Variants in PRORP observed in about 807,000 individuals in gnomAD.
PRORP encodes protein only RNase P catalytic subunit.
In PRORP, 51 loss-of-function variants were observed where a neutral mutation model predicts 59.4. The ratio of observed to expected loss-of-function variants is 0.86; its 90% CI spans 0.69 to 1.08. The LOEUF is 1.08. PRORP is among the 50% of genes least tolerant of loss of function. The probability of loss-of-function intolerance (pLI) is 0.00; values close to 1 mark genes in which losing one functional copy is unlikely to be tolerated. For synonymous variants in PRORP, 231 were observed against 245.6 expected (o/e 0.94, Z 0.55); for missense variants, 646 against 690.3 (o/e 0.94, Z 0.72).
At chr14:35,237,084 T>TTC (rs34987600) in intron 5 of PRORP, among the ~76,000 whole-genome samples, 20,745 of 137,130 alleles carry the variant, frequency 0.15, 2,095 homozygotes, top group Middle Eastern at 0.23. Flanking sequence ...CCTTCCTTCC[T>TTC]TCTCTCTCTC....
intron 2 of PRORP, 149 bp downstream of exon 2, chr14:35,124,380 G>A (rs1595150518): frequency 1.3e-5 from 6 of 459,638 alleles, no homozygotes; most frequent in Non-Finnish European, 1.5e-5. Context: ...TGATCCTCTC[G>A]CTTCAGTCTC....
At chr14:35,188,412 A>T (rs554585944) in intron 5 of PRORP, among the ~76,000 whole-genome samples, 2 of 151,040 alleles carry the variant, frequency 1.3e-5, no homozygotes, top group African/African-American at 2.4e-5. Context: ...GCTGGTCTCG[A>T]ACTCCTGACC....
intron 4 of PRORP, among the ~76,000 whole-genome samples, chr14:35,168,259 A>G (rs893043244): frequency 2.6e-5 from 4 of 152,166 alleles, no homozygotes; most frequent in Admixed American, 6.6e-5. Context: ...CAGTTGCTCC[A>G]CATACTTGTT....
intron 5 of PRORP, among the ~76,000 whole-genome samples, chr14:35,264,268 C>T (rs1239957641): frequency 1.3e-5 from 2 of 152,090 alleles, no homozygotes; most frequent in African/African-American, 4.8e-5. Flanking sequence ...GCTGGGATTA[C>T]AAACATGCAT....
chr14:35,148,432 A>G (rs1011677095), intron 4 of PRORP, among the ~76,000 whole-genome samples: 2 of 152,128 alleles, frequency 1.3e-5, no homozygotes, highest in African/African-American at 2.4e-5. Context: ...TTTTTGGAGC[A>G]GTAGGTCTCC....
intron 5 of PRORP, among the ~76,000 whole-genome samples, chr14:35,210,515 G>C (rs2049410781): frequency 6.6e-6 from 1 of 151,504 alleles, no homozygotes; most frequent in Non-Finnish European, 1.5e-5. Flanking sequence ...ACTTATACAG[G>C]GAAGTCAGCA....
At position 35,122,982 on chromosome 14, in the gene PRORP, A is replaced by G; in HGVS notation, c.-264A>G. ...TGAACTGGAATGTAAGAGGCACCAG[A>G]GGATTCCTGCTCTGTCCCCTGGTTT... On this transcript the variant is annotated 5_prime_UTR_variant, in exon 2 of 8. Coordinates refer to ENST00000534898, the MANE Select transcript of PRORP (RefSeq NM_014672.4). The G allele has an allele frequency of 2.3e-6, 1 of 438,196 alleles. No individual in the cohort carries two copies. The allele number at this position is 438,196 out of a possible 1,614,324, so 27.1% of individuals were successfully genotyped here.
At chr14:35,127,832 A>G (rs1047652897) in intron 4 of PRORP, among the ~76,000 whole-genome samples, 7 of 152,076 alleles carry the variant, frequency 4.6e-5, no homozygotes, top group African/African-American at 1.4e-4. Context: ...AACAAGCAGT[A>G]GGCTGGATTT....
chr14:35,184,644 G>A (rs1298326034), intron 5 of PRORP, among the ~76,000 whole-genome samples: 1 of 152,114 alleles, frequency 6.6e-6, no homozygotes, highest in African/African-American at 2.4e-5. Flanking sequence ...GTACTCAATA[G>A]TTAATCTTTT....
At chr14:35,169,659 C>T (rs761180698) in intron 4 of PRORP, among the ~76,000 whole-genome samples, 70 of 151,990 alleles carry the variant, frequency 4.6e-4, no homozygotes, top group Non-Finnish European at 6.0e-4. Context: ...AGAAACCACC[C>T]CCATAATCTA....
At chr14:35,211,240 G>A (rs759844004) in intron 5 of PRORP, among the ~76,000 whole-genome samples, 9 of 151,984 alleles carry the variant, frequency 5.9e-5, no homozygotes, top group East Asian at 5.8e-4. Flanking sequence ...AAGTTTTTTC[G>A]TATATTATCT....
rs369441143 is a variant in PRORP at position 35,266,863 on chromosome 14, T to A, written c.1412T>A (p.Phe471Tyr). The change falls in exon 6 of 8, where the codon TTT becomes TAT. Residue 471 changes from phenylalanine to tyrosine, a missense_variant. Physicochemically the swap from Phe to Tyr is conservative, Grantham distance 22 (BLOSUM62 3). Transcript: ENST00000534898. Reference sequence around the variant, plus strand: ...GTGCAAAAGCAAGCCAGCTGTTTTTTTGCTGATGACATGTAAGTGTTGGAG... The same window carrying A: ...GTGCAAAAGCAAGCCAGCTGTTTTTATGCTGATGACATGTAAGTGTTGGAG... ...EEVQKQASCF[F>Y]ADDISEDDPF... 17 of 1,614,076 alleles carry A rather than the reference T, an allele frequency of 1.1e-5. No homozygotes were observed. The Middle Eastern group carries it at 1.2e-3, about 109-fold the overall frequency.
chr14:35,227,397 T>A (rs1305892540), intron 5 of PRORP, among the ~76,000 whole-genome samples: 1 of 151,580 alleles, frequency 6.6e-6, no homozygotes, highest in Non-Finnish European at 1.5e-5. Context: ...TGAGCTGAGA[T>A]CGCACCACTG....
chr14:35,171,802 C>G (rs1446498798), intron 4 of PRORP, among the ~76,000 whole-genome samples: 1 of 152,038 alleles, frequency 6.6e-6, no homozygotes, highest in Admixed American at 6.6e-5. Flanking sequence ...TGATATTGTA[C>G]CACAGGTTAC....
intron 5 of PRORP, among the ~76,000 whole-genome samples, chr14:35,258,528 A>T (rs1042524579): frequency 6.6e-6 from 1 of 152,160 alleles, no homozygotes; most frequent in African/African-American, 2.4e-5. Flanking sequence ...TTCTAAGATG[A>T]TAAGTCTGAC....
At chr14:35,262,912 A>T in intron 5 of PRORP, 2 of 1,574,918 alleles carry the variant, frequency 1.3e-6, no homozygotes, top group Non-Finnish European at 8.7e-7. Context: ...AATGACATTG[A>T]GCTTGTTTCC....
chr14:35,124,509 C>A (rs2047045206), intron 2 of PRORP: 1 of 209,114 alleles, frequency 4.8e-6, no homozygotes, highest in African/African-American at 2.3e-5. Flanking sequence ...AATCACTCTT[C>A]TGATTATACT....
At chr14:35,260,052 C>T (rs373839959) in intron 5 of PRORP, among the ~76,000 whole-genome samples, 6 of 115,112 alleles carry the variant, frequency 5.2e-5, no homozygotes, top group South Asian at 2.8e-4. Context: ...CACTCTGTTG[C>T]GCAGGCTGGA....
At chr14:35,145,549 G>A (rs2047583210) in intron 4 of PRORP, among the ~76,000 whole-genome samples, 1 of 141,584 alleles carries the variant, frequency 7.1e-6, no homozygotes, top group Non-Finnish European at 1.6e-5. Flanking sequence ...GTGAAACCCC[G>A]TCTGTACTAA....
Sources: gnomAD v4.1 joint callset for allele counts (sites outside exome capture counted in the v4.1 genomes callset) on GRCh38, gnomAD v4.1.1 for gene constraint, MANE v1.5 for transcripts, NCBI Gene and HGNC (gene_info 2026-07-23, HGNC 2026-07-21) for gene names.